ARMC2: variants seen among roughly 807,000 people sequenced by gnomAD.
The protein encoded by ARMC2 is armadillo repeat containing 2.
ARMC2 carries 67 observed loss-of-function variants against 90.3 expected under a neutral mutation model. That is an observed-to-expected ratio of 0.74 (90% CI 0.61 to 0.91). ARMC2 has a LOEUF of 0.91. Ranked by LOEUF, ARMC2 falls within the 40% of genes least tolerant of loss-of-function variation. The pLI, the probability that ARMC2 is intolerant of heterozygous loss-of-function variation, is 0.00. For synonymous variants in ARMC2, 393 were observed against 393.0 expected, an observed-to-expected ratio of 1.00 and a Z score of 0.00; for missense variants, 920 against 1,030.9, an observed-to-expected ratio of 0.89 and a Z score of 1.47.
In ARMC2 at chr6:108,954,702, A is replaced by G. The variant is rs561722250; in HGVS notation, c.1915+1351A>G. Among the ~76,000 whole-genome samples, 19 of 152,282 alleles carry G rather than the reference A, an allele frequency of 1.2e-4. No homozygotes were observed. In the South Asian group the frequency reaches 3.9e-3, roughly 32 times the overall value. The stretch of plus-strand genomic sequence containing the variant: ...GGAAGGAAGCTAATGTCTGACACAA[A>G]TGATGTTTTGGAGGAGCAATCTGTG... On this transcript the variant is annotated intron_variant, in intron 13 of 17. Coordinates refer to ENST00000392644, the MANE Select transcript of ARMC2 (RefSeq NM_032131.6).
At chr6:108,862,024 C>A (rs1385702106) in intron 3 of ARMC2, among the ~76,000 whole-genome samples, 1 of 152,120 alleles carries the variant, frequency 6.6e-6, no homozygotes, top group Non-Finnish European at 1.5e-5. Context: ...TTCCATACCT[C>A]TGAATGGTTG....
chr6:108,964,106 T>C, intron 15 of ARMC2, 74 bp from the exon 16 acceptor site: 1 of 1,536,412 alleles, frequency 6.5e-7, no homozygotes, highest in Non-Finnish European at 8.8e-7. Flanking sequence ...CGTTTCCCCA[T>C]ACCATCTGTA....
At chr6:108,943,387 T>A (rs1333432343) in intron 12 of ARMC2, among the ~76,000 whole-genome samples, 5 of 152,160 alleles carry the variant, frequency 3.3e-5, no homozygotes, top group African/African-American at 1.2e-4. Flanking sequence ...TTTACAAGAA[T>A]TCATATTATT....
At chr6:109,038,451 C>T in the ARMC2 span, among the ~76,000 whole-genome samples, 4 of 152,122 alleles carry the variant, frequency 2.6e-5, no homozygotes, top group South Asian at 4.1e-4. Flanking sequence ...GAGCTGAGAT[C>T]GTGCCACTGC....
At chr6:108,938,506 T>TA (rs1206821026) in intron 12 of ARMC2, among the ~76,000 whole-genome samples, 1 of 151,112 alleles carries the variant, frequency 6.6e-6, no homozygotes, top group Non-Finnish European at 1.5e-5. Context: ...AGAATTCTTT[T>TA]ACATGTTATA....
At chr6:109,013,337 T>G in the ARMC2 span, among the ~76,000 whole-genome samples, 1 of 152,028 alleles carries the variant, frequency 6.6e-6, no homozygotes, top group Non-Finnish European at 1.5e-5. Flanking sequence ...TTCGGAACAA[T>G]GGGAAGGGAG....
At chr6:108,849,898 G>T (rs1773830313) in intron 1 of ARMC2, among the ~76,000 whole-genome samples, 1 of 152,228 alleles carries the variant, frequency 6.6e-6, no homozygotes, top group Non-Finnish European at 1.5e-5. Context: ...CAGCATCTAA[G>T]CACTTAACCA....
At chr6:108,990,886 C>G in the ARMC2 span, 1 of 1,480,462 alleles carries the variant, frequency 6.8e-7, no homozygotes, top group Non-Finnish European at 9.4e-7. Flanking sequence ...AAGTACAGTT[C>G]TATATCTATA....
chr6:108,953,835 G>A (rs2806357), intron 13 of ARMC2, among the ~76,000 whole-genome samples: 114,791 of 152,072 alleles, frequency 0.75, 43,605 homozygotes, highest in East Asian at 0.87. Flanking sequence ...TTCAAGTCCT[G>A]TTCATTCCCC....
chr6:108,953,319 C>T lies in ARMC2; in HGVS notation c.1883C>T (p.Pro628Leu), dbSNP rs760783374. ...GTGGGCCCGGTGCTGGCCGCCAACC[C>T]GGGGATAGTGGGCCTGCTCCTGACC... Reference protein sequence around the residue: ...PGVGPVLAANPGIVGLLLTTL... With the variant: ...PGVGPVLAANLGIVGLLLTTL... Residue 628 changes from proline to leucine, a missense_variant, in exon 13 of 18, where the codon CCG becomes CTG. Pro to Leu is a moderately conservative substitution (Grantham distance 98). Transcript: ENST00000392644. 2.8e-5 allele frequency: 45 copies of T among 1,608,306 alleles called. No individual in the cohort carries two copies. Among genetic ancestry groups the T allele is most frequent in the African/African-American group, 8.0e-5 (6 of 74,936 alleles).
At chr6:108,990,725 T>C in the ARMC2 span, 1 of 1,614,126 alleles carries the variant, frequency 6.2e-7, no homozygotes, top group Non-Finnish European at 8.5e-7. Context: ...GCATTGCCAT[T>C]GTATTATAAG....
At chr6:108,995,527 A>T in the ARMC2 span, among the ~76,000 whole-genome samples, 1 of 152,230 alleles carries the variant, frequency 6.6e-6, no homozygotes, top group Non-Finnish European at 1.5e-5. Context: ...GTTTTGCACT[A>T]GTCAAACTGG....
chr6:108,935,024 A>G (rs577873079), intron 11 of ARMC2, among the ~76,000 whole-genome samples: 2 of 151,430 alleles, frequency 1.3e-5, no homozygotes, highest in South Asian at 4.2e-4. Flanking sequence ...AAGTTTAGTT[A>G]TTTTCCCGAG....
At chr6:108,967,343 C>T (rs541210978) in intron 17 of ARMC2, among the ~76,000 whole-genome samples, 1 of 152,310 alleles carries the variant, frequency 6.6e-6, no homozygotes, top group East Asian at 1.9e-4. Flanking sequence ...TTACCCAAGC[C>T]TGGGGCAATC....
At chr6:108,956,734 G>C (rs1411628170) in intron 13 of ARMC2, among the ~76,000 whole-genome samples, 1 of 151,822 alleles carries the variant, frequency 6.6e-6, no homozygotes, top group Non-Finnish European at 1.5e-5. Context: ...GCTCACACCT[G>C]TCATCCCAGC....
chr6:108,952,771 A>G (rs1777280757), intron 12 of ARMC2, among the ~76,000 whole-genome samples: 1 of 152,206 alleles, frequency 6.6e-6, no homozygotes. Flanking sequence ...GGCGAGCCAG[A>G]ATTTAAGATG....
chr6:109,048,944 CTG>C, the ARMC2 span, among the ~76,000 whole-genome samples: 8 of 152,196 alleles, frequency 5.3e-5, no homozygotes, highest in South Asian at 2.1e-4. Context: ...GTTTCCTTCT[CTG>C]TTTCCTCCAC....
intron 17 of ARMC2, 28 bp from the exon 18 acceptor site, chr6:108,973,329 T>C: frequency 1.3e-6 from 2 of 1,576,262 alleles, no homozygotes; most frequent in Non-Finnish European, 1.7e-6. Flanking sequence ...TTCTAAATAA[T>C]GCTGTAATTT....
At chr6:109,010,862 AAAAAC>A in the ARMC2 span, among the ~76,000 whole-genome samples, 1 of 152,252 alleles carries the variant, frequency 6.6e-6, no homozygotes, top group Non-Finnish European at 1.5e-5. Context: ...AAGCAAATAC[AAAAAC>A]AAAACAAACC....
Sources: allele counts gnomAD v4.1 joint callset (sites outside exome capture counted in the v4.1 genomes callset), GRCh38; gene constraint gnomAD v4.1.1; transcripts MANE v1.5; gene names NCBI Gene and HGNC (gene_info 2026-07-23, HGNC 2026-07-21).